Variants in APBA2 observed in about 807,000 individuals in gnomAD.
The protein encoded by APBA2 is amyloid beta precursor protein binding family A member 2.
APBA2 carries 30 observed loss-of-function variants against 75.0 expected under a neutral mutation model. That is an observed-to-expected ratio of 0.40 (90% CI 0.30 to 0.54). APBA2 has a LOEUF of 0.54. APBA2 is among the 20% of genes least tolerant of loss of function. The pLI is 0.49. For synonymous variants in APBA2, 444 were observed against 409.6 expected (o/e 1.08, Z -1.01); for missense variants, 801 against 1,016.1 (o/e 0.79, Z 2.88).
intron 1 of APBA2, among the ~76,000 whole-genome samples, chr15:28,890,571 T>C (rs2032068309): frequency 6.6e-6 from 1 of 152,160 alleles, no homozygotes; most frequent in African/African-American, 2.4e-5. Flanking sequence ...CCTGGCCTAG[T>C]TGGAGGAGAT....
intron 1 of APBA2, among the ~76,000 whole-genome samples, chr15:28,900,215 G>A (rs954434192): frequency 1.3e-5 from 2 of 152,154 alleles, no homozygotes; most frequent in Admixed American, 6.5e-5. Flanking sequence ...AGGCTTCTTC[G>A]GGCTCATCAG....
rs934295910 is a variant in APBA2, at chr15:29,109,801, T to C, written c.2037+1412T>C. ...CTGGATTCCCCTCAAAAGGTGCTTG[T>C]GAAGATCAGCTGAGAAAATCCATAA... is the stretch of plus-strand genomic sequence containing the variant. On this transcript the variant is annotated intron_variant, in intron 13 of 14. Transcript: ENST00000683413. Among the ~76,000 whole-genome samples, 3 of 152,200 alleles carry C rather than the reference T, an allele frequency of 2.0e-5. No homozygotes were observed. The South Asian group carries it at 6.2e-4, about 31-fold the overall frequency.
chr15:29,013,421 A>G (rs973076489), intron 3 of APBA2, among the ~76,000 whole-genome samples: 2 of 151,858 alleles, frequency 1.3e-5, no homozygotes, highest in Non-Finnish European at 2.9e-5. Context: ...CTGGGACTAC[A>G]GGCGCCCGCC....
At chr15:29,049,820 G>A (rs546134092) in intron 3 of APBA2, among the ~76,000 whole-genome samples, 1 of 152,254 alleles carries the variant, frequency 6.6e-6, no homozygotes, top group Admixed American at 6.5e-5. Flanking sequence ...TCAAATGGAG[G>A]AACTAATTTA....
At chr15:28,964,488 ATT>A (rs34136396) in intron 2 of APBA2, among the ~76,000 whole-genome samples, 32,747 of 137,962 alleles carry the variant, frequency 0.24, 5,519 homozygotes, top group East Asian at 0.53. Flanking sequence ...ACTTTTGCTC[ATT>A]TTTTTTTTTT....
chr15:28,886,728 G>T (rs1272793856), intron 1 of APBA2, among the ~76,000 whole-genome samples: 1 of 152,164 alleles, frequency 6.6e-6, no homozygotes. Flanking sequence ...TGCCCCCAGA[G>T]AACCCAAGCC....
intron 2 of APBA2, among the ~76,000 whole-genome samples, chr15:28,936,087 C>A: frequency 6.6e-6 from 1 of 152,140 alleles, no homozygotes; most frequent in Non-Finnish European, 1.5e-5. Context: ...GTTTTCCAAT[C>A]TAGTAGAAAA....
chr15:28,901,936 G>GTGTGTGTGTGTGTGTGTGTT (rs1235323517), intron 1 of APBA2, among the ~76,000 whole-genome samples: 35 of 147,290 alleles, frequency 2.4e-4, no homozygotes, highest in Admixed American at 1.8e-3. Flanking sequence ...GTGTGTGTGT[G>GTGTGTGTGTGTGTGTGTGTT]TGTGTATGTT....
At chr15:28,907,653 C>T (rs1335985664) in intron 1 of APBA2, among the ~76,000 whole-genome samples, 1 of 152,180 alleles carries the variant, frequency 6.6e-6, no homozygotes, top group Non-Finnish European at 1.5e-5. Context: ...CAGGATTGAT[C>T]AACCTCAGGA....
intron 10 of APBA2, 107 bp downstream of exon 10, chr15:29,101,891 T>A: frequency 9.2e-7 from 1 of 1,089,414 alleles, no homozygotes; most frequent in Non-Finnish European, 1.4e-6. Context: ...GCCTCCATGC[T>A]GTTACTGATG....
chr15:28,987,901 G>A (rs938652528), intron 2 of APBA2, among the ~76,000 whole-genome samples: 1 of 151,204 alleles, frequency 6.6e-6, no homozygotes, highest in Non-Finnish European at 1.5e-5. Flanking sequence ...GAATTTACAG[G>A]CACACACCAC....
chr15:29,080,351 A>G (rs1007637535), intron 6 of APBA2, among the ~76,000 whole-genome samples: 3 of 152,128 alleles, frequency 2.0e-5, no homozygotes, highest in Non-Finnish European at 1.5e-5. Context: ...TGGGTGAGGA[A>G]GAACCTTCAC....
chr15:28,996,343 C>G (rs56342014), intron 3 of APBA2, among the ~76,000 whole-genome samples: 5,243 of 151,210 alleles, frequency 0.035, 302 homozygotes, highest in African/African-American at 0.12. Context: ...TAAAAAGAGG[C>G]CTCCTCATCT....
Position 29,052,454 on chromosome 15 carries a change from C to CA in APBA2, c.-40-1377dup, listed in dbSNP as rs61521872. Among the ~76,000 whole-genome samples the CA allele has an allele frequency of 8.0e-3, 828 of 103,096 alleles. 18 individuals carry two copies. The highest frequency in any genetic ancestry group is 0.012 in the Non-Finnish European group (655 of 55,534). 67.6% of individuals were successfully genotyped at this position (103,096 alleles called of 152,430 possible). On this transcript the variant is annotated intron_variant, in intron 3 of 14. Transcript: ENST00000683413. Reference sequence around the variant, plus strand: ...TGGGCGACAGAGCGAGACTCCATCTCAAAAAAAAAAAAAAGAAGTAGAACG... The same window carrying CA: ...TGGGCGACAGAGCGAGACTCCATCTCAAAAAAAAAAAAAAAGAAGTAGAACG...
intron 1 of APBA2, among the ~76,000 whole-genome samples, chr15:28,908,296 T>C (rs148712537): frequency 0.066 from 9,995 of 151,688 alleles, 532 homozygotes; most frequent in East Asian, 0.31. Flanking sequence ...ATTGTTGTTT[T>C]TGTTTGTTTT....
In APBA2 at chr15:29,105,429, G is replaced by A; in HGVS notation, c.1575G>A (p.Gln525=). 6.2e-7 allele frequency: 1 copy of A among 1,613,358 alleles called. No homozygotes were observed. Among genetic ancestry groups the A allele is most frequent in the East Asian group, 2.2e-5 (1 of 44,900 alleles). ...SIGQAFSVAY[Q]EFLRANGINP... is the part of the protein sequence containing the mutation. ...GCCAGGCCTTCAGCGTGGCCTACCAGGAGTTCCTGCGAGCCAATGGCATCA... is the reference window on the plus strand; with the variant it reads ...GCCAGGCCTTCAGCGTGGCCTACCAAGAGTTCCTGCGAGCCAATGGCATCA... The change falls in exon 11 of 15, where the codon CAG becomes CAA. Residue 525 remains glutamine, a synonymous_variant. Coordinates refer to ENST00000683413, the MANE Select transcript of APBA2 (RefSeq NM_001353788.2).
At chr15:29,025,749 C>G (rs1038105669) in intron 3 of APBA2, among the ~76,000 whole-genome samples, 2 of 151,660 alleles carry the variant, frequency 1.3e-5, no homozygotes, top group Non-Finnish European at 2.9e-5. Flanking sequence ...GTCAGGAGTT[C>G]GAGGCCAGGC....
chr15:29,076,409 C>T (rs1027694734), intron 6 of APBA2, among the ~76,000 whole-genome samples: 2 of 151,298 alleles, frequency 1.3e-5, no homozygotes, highest in Non-Finnish European at 2.9e-5. Context: ...TTATAGCTAA[C>T]ACTTCTGATC....
intron 6 of APBA2, among the ~76,000 whole-genome samples, chr15:29,090,003 G>A (rs1401690951): frequency 6.6e-6 from 1 of 152,240 alleles, no homozygotes; most frequent in Admixed American, 6.5e-5. Flanking sequence ...CGTTTCCTGC[G>A]GAAGTTGAGA....
Sources: gnomAD v4.1 joint callset for allele counts (sites outside exome capture counted in the v4.1 genomes callset) on GRCh38, gnomAD v4.1.1 for gene constraint, MANE v1.5 for transcripts, NCBI Gene and HGNC (gene_info 2026-07-23, HGNC 2026-07-21) for gene names.